PPFIBP1: variants seen among roughly 807,000 people sequenced by gnomAD.
The protein encoded by PPFIBP1 is liprin-beta-1.
Under a neutral mutation model 137.8 loss-of-function variants are expected in PPFIBP1, and 112 were observed. That is an observed-to-expected ratio of 0.81 (90% CI 0.70 to 0.95). The LOEUF (loss-of-function observed/expected upper bound fraction) is 0.95. Ranked by LOEUF, PPFIBP1 falls within the 40% of genes least tolerant of loss-of-function variation. The probability of loss-of-function intolerance (pLI) is 0.00; values close to 1 mark genes in which losing one functional copy is unlikely to be tolerated. For missense variants in PPFIBP1, 1,083 were observed against 1,196.6 expected, an observed-to-expected ratio of 0.91 and a Z score of 1.40; for synonymous variants, 378 against 417.3, an observed-to-expected ratio of 0.91 and a Z score of 1.15.
chr12:27,528,819 G>A (rs368506229), intron 1 of PPFIBP1, among the ~76,000 whole-genome samples: 13 of 152,094 alleles, frequency 8.5e-5, no homozygotes, highest in African/African-American at 1.7e-4. Context: ...AGGTAAATAC[G>A]TACCAGTCTA....
At chr12:27,556,713 G>C (rs1000496834) in intron 1 of PPFIBP1, among the ~76,000 whole-genome samples, 3 of 152,156 alleles carry the variant, frequency 2.0e-5, no homozygotes, top group Admixed American at 6.5e-5. Flanking sequence ...ATATTCAAGC[G>C]TTCAGCAGGA....
Position 27,584,623 on chromosome 12 carries a change from A to G in PPFIBP1, c.-36+6384A>G, listed in dbSNP as rs192158681. On this transcript the variant is annotated intron_variant, in intron 2 of 29. Transcript: ENST00000228425. ...CTTTCCCAGTCCCACTGTGTGGTTC[A>G]TGTAGAAAACCAATAATTTAAGGTA... Among the ~76,000 whole-genome samples the G allele has an allele frequency of 3.4e-3, 523 of 152,374 alleles. 4 individuals are homozygous for G. Among genetic ancestry groups the G allele is most frequent in the Non-Finnish European group, 4.8e-3 (328 of 68,038 alleles).
At chr12:27,594,524 A>T (rs970195904) in intron 2 of PPFIBP1, among the ~76,000 whole-genome samples, 7 of 152,284 alleles carry the variant, frequency 4.6e-5, no homozygotes, top group African/African-American at 1.4e-4. Context: ...TTGAAGTCTT[A>T]TCCTATTTTT....
In PPFIBP1 at chr12:27,543,125, TAAA is replaced by T. The variant is rs370892535; in HGVS notation, c.-124+18766_-124+18768del. ...TTACGCCAGACCTTGTTCAACCACA[TAAA>T]AAAAACTCCCTGAAATTAAATCATT... On this transcript the variant is annotated intron_variant, in intron 1 of 29. Coordinates refer to ENST00000228425, the MANE Select transcript of PPFIBP1 (RefSeq NM_003622.4). Among the ~76,000 whole-genome samples, 1,168 of 152,106 alleles carry T rather than the reference TAAA, an allele frequency of 7.7e-3. 14 individuals carry two copies. Among genetic ancestry groups the T allele is most frequent in the African/African-American group, 0.027 (1,115 of 41,502 alleles).
chr12:27,596,469 C>T (rs2053319572), intron 2 of PPFIBP1, among the ~76,000 whole-genome samples: 2 of 152,198 alleles, frequency 1.3e-5, no homozygotes, highest in Admixed American at 1.3e-4. Context: ...ATCCTGGAGG[C>T]TGTTTAAGTC....
At chr12:27,541,059 G>A (rs1023263531) in intron 1 of PPFIBP1, among the ~76,000 whole-genome samples, 2 of 152,152 alleles carry the variant, frequency 1.3e-5, no homozygotes, top group Admixed American at 6.5e-5. Context: ...TGCACTTGCG[G>A]TTCTCCAACT....
intron 29 of PPFIBP1, 58 bp from the exon 30 acceptor site, chr12:27,692,738 A>T (rs887797384): frequency 1.2e-6 from 2 of 1,613,908 alleles, no homozygotes; most frequent in Middle Eastern, 1.6e-4. Context: ...TCTCTTGGAG[A>T]ATGTGTAGCT....
intron 4 of PPFIBP1, among the ~76,000 whole-genome samples, chr12:27,639,241 A>G (rs1342800145): frequency 6.6e-6 from 1 of 152,322 alleles, no homozygotes; most frequent in Admixed American, 6.5e-5. Context: ...AGACTATGAC[A>G]TATTTGTTTA....
chr12:27,629,176 C>T (rs930865760), intron 2 of PPFIBP1, among the ~76,000 whole-genome samples: 2 of 152,152 alleles, frequency 1.3e-5, no homozygotes, highest in African/African-American at 4.8e-5. Flanking sequence ...CAAAGGCATT[C>T]CCAATTAAAT....
At chr12:27,675,000 T>A (rs565859820) in intron 17 of PPFIBP1, among the ~76,000 whole-genome samples, 31 of 151,628 alleles carry the variant, frequency 2.0e-4, no homozygotes, top group Admixed American at 3.3e-4. Context: ...CGTTTGTTTT[T>A]TTTTTTATTT....
At chr12:27,663,698 G>A (rs551357955) in intron 11 of PPFIBP1, among the ~76,000 whole-genome samples, 2 of 152,048 alleles carry the variant, frequency 1.3e-5, no homozygotes, top group Admixed American at 6.6e-5. Flanking sequence ...AAATGAGCTG[G>A]GCATAGTGGT....
intron 2 of PPFIBP1, among the ~76,000 whole-genome samples, chr12:27,583,127 G>C (rs1011943383): frequency 2.0e-5 from 3 of 152,196 alleles, no homozygotes; most frequent in African/African-American, 7.2e-5. Flanking sequence ...AACTTTTCTT[G>C]CTCTTGATTT....
At chr12:27,597,022 C>A (rs903498230) in intron 2 of PPFIBP1, among the ~76,000 whole-genome samples, 7 of 152,284 alleles carry the variant, frequency 4.6e-5, no homozygotes, top group African/African-American at 1.4e-4. Context: ...CCGAAATAAA[C>A]CCATGTTCTG....
chr12:27,566,065 T>A (rs2049633094), intron 1 of PPFIBP1, among the ~76,000 whole-genome samples: 1 of 152,214 alleles, frequency 6.6e-6, no homozygotes, highest in Non-Finnish European at 1.5e-5. Flanking sequence ...ATGAAATTTT[T>A]TTTTCCCAGA....
At chr12:27,587,952 T>C (rs1250901518) in intron 2 of PPFIBP1, among the ~76,000 whole-genome samples, 1 of 152,228 alleles carries the variant, frequency 6.6e-6, no homozygotes, top group Non-Finnish European at 1.5e-5. Flanking sequence ...CATGTTTCTT[T>C]CATCTCTTTT....
intron 2 of PPFIBP1, chr12:27,592,366 G>A: frequency 3.5e-6 from 2 of 569,244 alleles, no homozygotes; most frequent in Non-Finnish European, 6.1e-6. Flanking sequence ...CGTTTATTTT[G>A]TTTATTGAGG....
intron 2 of PPFIBP1, among the ~76,000 whole-genome samples, chr12:27,607,981 ATT>A (rs762264799): frequency 1.1e-3 from 162 of 152,270 alleles, no homozygotes; most frequent in Non-Finnish European, 2.0e-3. Context: ...AGACATTCCA[ATT>A]TGTACAAAAT....
chr12:27,689,479 G>A (rs1189013406), intron 27 of PPFIBP1, among the ~76,000 whole-genome samples: 3 of 152,102 alleles, frequency 2.0e-5, no homozygotes, highest in African/African-American at 7.2e-5. Context: ...TGATCCTGCA[G>A]GGAAAACAGC....
At chr12:27,535,513 A>G (rs753342059) in intron 1 of PPFIBP1, among the ~76,000 whole-genome samples, 2 of 152,120 alleles carry the variant, frequency 1.3e-5, no homozygotes, top group Non-Finnish European at 2.9e-5. Flanking sequence ...TTCTGGGCTC[A>G]GGTGATCCTC....
Sources: gnomAD v4.1 joint callset for allele counts (sites outside exome capture counted in the v4.1 genomes callset) on GRCh38, gnomAD v4.1.1 for gene constraint, MANE v1.5 for transcripts, NCBI Gene and HGNC (gene_info 2026-07-23, HGNC 2026-07-21) for gene names.